Variants in PKIB observed in about 807,000 individuals in gnomAD.
The protein encoded by PKIB is cAMP-dependent protein kinase inhibitor beta.
In PKIB, 2 loss-of-function variants were observed where a neutral mutation model predicts 4.5. That is an observed-to-expected ratio of 0.44 (90% CI 0.18 to 1.39). PKIB has a LOEUF of 1.39. PKIB is among the 40% of genes most tolerant of loss of function. PKIB has a pLI of 0.27. For synonymous variants in PKIB, 38 were observed against 36.0 expected, an observed-to-expected ratio of 1.06 and a Z score of -0.20; for missense variants, 94 against 92.6, an observed-to-expected ratio of 1.02 and a Z score of -0.06.
intron 2 of PKIB, chr6:122,484,004 C>T (rs756400985): frequency 1.1e-4 from 16 of 152,104 alleles, no homozygotes; most frequent in Admixed American, 3.3e-4. Context: ...TACATCTGTA[C>T]GTGAAGGTCT....
At chr6:122,607,103 A>T (rs563412525), upstream of PKIB, among the ~76,000 whole-genome samples, 11 of 150,412 alleles carry the variant, frequency 7.3e-5, no homozygotes, top group East Asian at 1.7e-3. Context: ...ATAATAAATA[A>T]ATAAATAAAA....
chr6:122,523,387 C>A (rs927396976), intron 2 of PKIB, among the ~76,000 whole-genome samples: 3 of 152,178 alleles, frequency 2.0e-5, no homozygotes, highest in African/African-American at 7.2e-5. Flanking sequence ...CCACGCAAAT[C>A]TTGTCTTGAA....
rs190682472 is a variant in PKIB, at chr6:122,671,677, G to A, written c.-75-3401G>A. On this transcript the variant is annotated intron_variant, in intron 2 of 4. Transcript: ENST00000368452. ...CTTATACAAGTTCAGGGTTAAATCT[G>A]TATTTAAAACTTTGATATTTTGTTC... Among the ~76,000 whole-genome samples the A allele has an allele frequency of 6.5e-3, 993 of 152,214 alleles. 10 individuals are homozygous for A. Among genetic ancestry groups the A allele is most frequent in the African/African-American group, 0.022 (928 of 41,536 alleles).
intron 1 of PKIB, among the ~76,000 whole-genome samples, chr6:122,475,223 C>T (rs527721293): frequency 6.6e-6 from 1 of 152,164 alleles, no homozygotes; most frequent in East Asian, 1.9e-4. Context: ...GGATTACAGG[C>T]GTGTACCAAA....
intron 2 of PKIB, among the ~76,000 whole-genome samples, chr6:122,497,938 T>C (rs904837622): frequency 2.0e-5 from 3 of 152,180 alleles, no homozygotes; most frequent in Non-Finnish European, 2.9e-5. Context: ...ACATGAAACA[T>C]ACTCTCAGAT....
At chr6:122,478,635 G>T (rs1464046699) in intron 2 of PKIB, 1 of 152,104 alleles carries the variant, frequency 6.6e-6, no homozygotes, top group East Asian at 1.9e-4. Flanking sequence ...GCAGCGGGGG[G>T]TGGGGAAATA....
intron 3 of PKIB, among the ~76,000 whole-genome samples, chr6:122,678,503 C>CTGTTT (rs912180740): frequency 6.6e-6 from 1 of 152,070 alleles, no homozygotes; most frequent in Non-Finnish European, 1.5e-5. Context: ...TTGCATCTTT[C>CTGTTT]TGTTTTGTTT....
chr6:122,540,738 G>C (rs1376837094), intron 2 of PKIB, among the ~76,000 whole-genome samples: 1 of 151,978 alleles, frequency 6.6e-6, no homozygotes, highest in African/African-American at 2.4e-5. Flanking sequence ...GGTAGTCCTT[G>C]TTTACTTTTG....
At chr6:122,660,420 C>T (rs1007421900) in intron 2 of PKIB, among the ~76,000 whole-genome samples, 4 of 152,178 alleles carry the variant, frequency 2.6e-5, no homozygotes, top group African/African-American at 9.7e-5. Context: ...GTATTCTCCT[C>T]TAAGGTCCCT....
At chr6:122,526,106 A>G (rs371619674) in intron 2 of PKIB, among the ~76,000 whole-genome samples, 1 of 152,186 alleles carries the variant, frequency 6.6e-6, no homozygotes, top group South Asian at 2.1e-4. Flanking sequence ...TTCATCATTC[A>G]AGTTTGATAA....
upstream of PKIB, among the ~76,000 whole-genome samples, chr6:122,609,513 G>A (rs532921316): frequency 2.0e-3 from 299 of 152,300 alleles, 1 homozygote; most frequent in Non-Finnish European, 2.6e-3. Context: ...AGGGAATTTG[G>A]AAGTGGTCAT....
intron 2 of PKIB, among the ~76,000 whole-genome samples, chr6:122,645,525 G>T (rs1276787530): frequency 6.6e-6 from 1 of 152,198 alleles, no homozygotes; most frequent in Non-Finnish European, 1.5e-5. Context: ...TGGGTGGGTT[G>T]TGGTGACACA....
chr6:122,613,327 A>G (rs1198851040), intron 1 of PKIB, among the ~76,000 whole-genome samples: 2 of 152,194 alleles, frequency 1.3e-5, no homozygotes, highest in African/African-American at 4.8e-5. Flanking sequence ...CTTGTGAACT[A>G]TATGTCTTGT....
At chr6:122,597,919 G>A (rs1774230927) in intron 3 of PKIB, among the ~76,000 whole-genome samples, 1 of 152,134 alleles carries the variant, frequency 6.6e-6, no homozygotes, top group African/African-American at 2.4e-5. Flanking sequence ...TACTTTAACT[G>A]GAGGAACACA....
At chr6:122,622,284 T>C (rs566225911) in intron 1 of PKIB, among the ~76,000 whole-genome samples, 203 of 125,644 alleles carry the variant, frequency 1.6e-3, no homozygotes, top group African/African-American at 5.9e-3. Context: ...AGTCATAATT[T>C]AAAAGGAACA....
At chr6:122,684,898 A>G (rs1391695676) in intron 3 of PKIB, among the ~76,000 whole-genome samples, 1 of 152,204 alleles carries the variant, frequency 6.6e-6, no homozygotes, top group African/African-American at 2.4e-5. Flanking sequence ...TAAACTGGAT[A>G]AGGTATGCTT....
intron 2 of PKIB, among the ~76,000 whole-genome samples, chr6:122,551,874 C>CTTTTTTTTTTTTTTTTTTTTTTTTTTT (rs61025863): frequency 1.1e-5 from 1 of 87,520 alleles, no homozygotes; most frequent in Non-Finnish European, 2.1e-5. Context: ...CTTAGTACAT[C>CTTTTTTTTTTTTTTTTTTTTTTTTTTT]TTTTTTTTTT....
intron 2 of PKIB, among the ~76,000 whole-genome samples, chr6:122,633,783 A>C (rs1377564601): frequency 6.6e-6 from 1 of 152,036 alleles, no homozygotes; most frequent in African/African-American, 2.4e-5. Context: ...TCTTATTACT[A>C]CTCTCCTCAG....
intron 2 of PKIB, among the ~76,000 whole-genome samples, chr6:122,573,407 A>G (rs1773430074): frequency 6.6e-6 from 1 of 151,760 alleles, no homozygotes; most frequent in Admixed American, 6.6e-5. Context: ...ATGTTCTCCC[A>G]GGTACTCGCG....
Sources: gnomAD v4.1 joint callset for allele counts (sites outside exome capture counted in the v4.1 genomes callset) on GRCh38, gnomAD v4.1.1 for gene constraint, MANE v1.5 for transcripts, NCBI Gene and HGNC (gene_info 2026-07-23, HGNC 2026-07-21) for gene names.